The following MYT1L variants were observed in gnomAD, a reference collection of about 807,000 sequenced individuals.
MYT1L encodes myelin transcription factor 1 like, also known as myelin transcription factor 1-like protein.
Under a neutral mutation model 126.7 loss-of-function variants are expected in MYT1L, and 12 were observed. The observed-to-expected ratio is 0.09, with a 90% CI of 0.06 to 0.15. The LOEUF is 0.15. MYT1L is among the 10% of genes least tolerant of loss of function. The probability of loss-of-function intolerance (pLI) is 1.00; values close to 1 mark genes in which losing one functional copy is unlikely to be tolerated. For synonymous variants in MYT1L, 541 were observed against 604.2 expected (o/e 0.90, Z 1.53); for missense variants, 979 against 1,585.2 (o/e 0.62, Z 6.49).
chr2:2,112,079 G>A (rs145333734), intron 3 of MYT1L, among the ~76,000 whole-genome samples: 9 of 152,282 alleles, frequency 5.9e-5, no homozygotes, highest in African/African-American at 1.4e-4. Flanking sequence ...AGGAATGAGC[G>A]AGATGAGCCC....
intron 2 of MYT1L, among the ~76,000 whole-genome samples, chr2:2,197,938 C>G (rs1185851526): frequency 6.6e-6 from 1 of 151,828 alleles, no homozygotes. Flanking sequence ...TATACACATG[C>G]ACACACACAT....
intron 8 of MYT1L, among the ~76,000 whole-genome samples, chr2:1,960,495 A>G (rs2058872871): frequency 6.6e-6 from 1 of 152,254 alleles, no homozygotes; most frequent in Non-Finnish European, 1.5e-5. Flanking sequence ...AATTAAAGTC[A>G]ACGTGCTTAG....
chr2:2,019,360 G>A (rs1196100793), intron 4 of MYT1L, among the ~76,000 whole-genome samples: 1 of 152,120 alleles, frequency 6.6e-6, no homozygotes, highest in Non-Finnish European at 1.5e-5. Context: ...TGATTGCGAG[G>A]CCTCCTCAGC....
At chr2:1,833,008 G>A (rs73913425) in intron 21 of MYT1L, among the ~76,000 whole-genome samples, 6,104 of 152,292 alleles carry the variant, frequency 0.04, 412 homozygotes, top group African/African-American at 0.14. Context: ...GTCTGTCTGT[G>A]TCGGCCGAAT....
chr2:2,147,261 C>T (rs529168713), intron 3 of MYT1L, among the ~76,000 whole-genome samples: 1 of 152,330 alleles, frequency 6.6e-6, no homozygotes, highest in Admixed American at 6.5e-5. Context: ...GCTTGCAAGT[C>T]TGTGTCAGAG....
chr2:1,842,933 T>TTCCGCTTCCAGGCGCG (rs2041984920), intron 19 of MYT1L: 1 of 168,892 alleles, frequency 5.9e-6, no homozygotes, highest in Non-Finnish European at 1.2e-5. Flanking sequence ...TTCCAGGCGC[T>TTCCGCTTCCAGGCGCG]TCCGCTTCCA....
intron 8 of MYT1L, among the ~76,000 whole-genome samples, chr2:1,946,855 C>A (rs1430410258): frequency 1.3e-5 from 2 of 152,174 alleles, no homozygotes; most frequent in South Asian, 2.1e-4. Flanking sequence ...AAGCCCAACA[C>A]CAACCAACCT....
At chr2:1,882,034 C>T (rs1032285836) in intron 18 of MYT1L, among the ~76,000 whole-genome samples, 1 of 152,208 alleles carries the variant, frequency 6.6e-6, no homozygotes, top group Non-Finnish European at 1.5e-5. Context: ...AGTCCAACCA[C>T]CTGTTCCTCA....
chr2:2,018,903 C>T (rs576518581), intron 4 of MYT1L, among the ~76,000 whole-genome samples: 54 of 152,282 alleles, frequency 3.5e-4, no homozygotes, highest in Non-Finnish European at 5.0e-4. Flanking sequence ...TCTACACTCA[C>T]GTGGGCATAT....
chr2:2,145,977 C>G (rs1225159864), intron 3 of MYT1L, among the ~76,000 whole-genome samples: 1 of 152,158 alleles, frequency 6.6e-6, no homozygotes, highest in Non-Finnish European at 1.5e-5. Flanking sequence ...CCCCCGATCT[C>G]ATGCCAATGC....
In MYT1L at chr2:1,979,647, G is replaced by C; in HGVS notation, c.55+76C>G. The C allele has an allele frequency of 6.2e-7, 1 of 1,604,174 alleles. No individual in the cohort carries two copies. Among genetic ancestry groups the C allele is most frequent in the Admixed American group, 1.7e-5 (1 of 59,900 alleles). On this transcript the variant is annotated intron_variant, in intron 6 of 24. Coordinates refer to ENST00000647738, the MANE Select transcript of MYT1L (RefSeq NM_001303052.2). The surrounding 1 kb of genome is among the most constrained non-coding windows in gnomAD (Gnocchi z 4.0). ...ACCAAAAGGGTGGCATGAAAGTGGG[G>C]TCAGAATCGACCTCAGTTCCGCAGG...
At chr2:2,203,218 G>A (rs2093163662) in intron 2 of MYT1L, among the ~76,000 whole-genome samples, 2 of 147,760 alleles carry the variant, frequency 1.4e-5, no homozygotes, top group South Asian at 4.4e-4. Flanking sequence ...GCACAAGACA[G>A]GGATGCCCTC....
intron 4 of MYT1L, among the ~76,000 whole-genome samples, chr2:2,023,571 A>G (rs1384655871): frequency 6.6e-6 from 1 of 151,446 alleles, no homozygotes; most frequent in Non-Finnish European, 1.5e-5. Context: ...AGGACCCCAC[A>G]GAGGCAGAAC....
intron 18 of MYT1L, among the ~76,000 whole-genome samples, chr2:1,861,892 C>CACCTGCAGCCTGTGTAA (rs2044693122): frequency 2.2e-5 from 3 of 136,658 alleles, no homozygotes; most frequent in African/African-American, 2.7e-5. Context: ...ATCCTGGATC[C>CACCTGCAGCCTGTGTAA]TCCTACAGCC....
Position 1,979,322 on chromosome 2 carries a change from A to G in MYT1L, c.90-95T>C. ...CAGAGAGAAGGAGGGCGGCTCAGAC[A>G]GAGGAGAGAAATCACACAATCCAAA... On this transcript the variant is annotated intron_variant, in intron 7 of 24. Coordinates refer to ENST00000647738, the MANE Select transcript of MYT1L (RefSeq NM_001303052.2). This position sits in a 1 kb window ranked among gnomAD's most constrained non-coding sequence, Gnocchi z 4.0. 8.2e-7 allele frequency: 1 copy of G among 1,222,294 alleles called. No homozygotes were observed. Among genetic ancestry groups the G allele is most frequent in the South Asian group, 1.3e-5 (1 of 78,700 alleles). 75.7% of individuals were successfully genotyped at this position (1,222,294 alleles called of 1,614,324 possible).
At chr2:2,211,273 A>G (rs549025098) in intron 2 of MYT1L, among the ~76,000 whole-genome samples, 124 of 152,370 alleles carry the variant, frequency 8.1e-4, no homozygotes, top group African/African-American at 2.8e-3. Flanking sequence ...TGAAAATCAC[A>G]TAACAATGAC....
chr2:2,252,822 C>T (rs1364301435), intron 2 of MYT1L, among the ~76,000 whole-genome samples: 4 of 152,154 alleles, frequency 2.6e-5, no homozygotes, highest in Admixed American at 6.5e-5. Flanking sequence ...AAAATGCCTT[C>T]CCCTCTTTCT....
At chr2:1,995,244 C>T (rs573181095) in intron 5 of MYT1L, among the ~76,000 whole-genome samples, 2 of 152,012 alleles carry the variant, frequency 1.3e-5, no homozygotes, top group Admixed American at 6.6e-5. Context: ...TGTGAACACT[C>T]TAGCATGTGT....
chr2:2,138,287 G>T (rs1227297273), intron 3 of MYT1L, among the ~76,000 whole-genome samples: 2 of 149,688 alleles, frequency 1.3e-5, no homozygotes, highest in African/African-American at 2.5e-5. Flanking sequence ...TCAGTGTGGC[G>T]ATTCCTCAGG....
Sources: allele counts gnomAD v4.1 joint callset (sites outside exome capture counted in the v4.1 genomes callset), GRCh38; gene constraint gnomAD v4.1.1; non-coding constraint Gnocchi (gnomAD v3.1); transcripts MANE v1.5; gene names NCBI Gene and HGNC (gene_info 2026-07-23, HGNC 2026-07-21).